The following KLF17 variants were observed in gnomAD, a reference collection of about 807,000 sequenced individuals.
The protein encoded by KLF17 is Krueppel-like factor 17.
In KLF17, 31 loss-of-function variants were observed where a neutral mutation model predicts 34.2. That is an observed-to-expected ratio of 0.91 (90% CI 0.68 to 1.22). The LOEUF is 1.22. Ranked by LOEUF, KLF17 falls within the 50% of genes most tolerant of loss-of-function variation. The pLI, the probability that KLF17 is intolerant of heterozygous loss-of-function variation, is 0.00. For missense variants in KLF17, 478 were observed against 505.2 expected, an observed-to-expected ratio of 0.95 and a Z score of 0.52; for synonymous variants, 179 against 186.7, an observed-to-expected ratio of 0.96 and a Z score of 0.34.
At chr1:44,097,642 C>T in the KLF17 span, among the ~76,000 whole-genome samples, 1 of 152,040 alleles carries the variant, frequency 6.6e-6, no homozygotes, top group Non-Finnish European at 1.5e-5. Flanking sequence ...TAGGTATATT[C>T]TAGTACTATG....
In KLF17 at chr1:44,129,726, G is replaced by A; in HGVS notation, c.455G>A (p.Arg152Lys). 1.2e-6 allele frequency: 2 copies of A among 1,614,116 alleles called. No homozygotes were observed. The highest frequency in any genetic ancestry group is 2.2e-5 in the South Asian group (2 of 91,076). ...GCCAGGCCCTTCGGTGGGAATCTAA[G>A]GATGCCCCCCAATGGGCTGCCAGTC... The part of the protein sequence containing the change: ...RVARPFGGNL[R>K]MPPNGLPVSA... The change falls in exon 2 of 4, where the codon AGG (arginine) becomes AAG (lysine). Residue 152 changes from arginine (R) to lysine (K), a missense_variant. Physicochemically the swap from Arg to Lys is conservative, Grantham distance 26. Coordinates refer to ENST00000372299, the MANE Select transcript of KLF17 (RefSeq NM_173484.4).
the KLF17 span, among the ~76,000 whole-genome samples, chr1:44,085,698 G>A: frequency 6.6e-6 from 1 of 151,522 alleles, no homozygotes; most frequent in African/African-American, 2.4e-5. Flanking sequence ...CAGCTATTCA[G>A]GAGGCTGAGG....
At chr1:44,100,959 A>G in the KLF17 span, among the ~76,000 whole-genome samples, 6 of 152,382 alleles carry the variant, frequency 3.9e-5, no homozygotes, top group East Asian at 1.2e-3. Context: ...TGCAAAGAAT[A>G]TAATTTCTGG....
the KLF17 span, among the ~76,000 whole-genome samples, chr1:44,075,755 G>A: frequency 6.6e-6 from 1 of 152,040 alleles, no homozygotes; most frequent in Non-Finnish European, 1.5e-5. Context: ...TGTATGGTGA[G>A]AACAAACAAC....
At chr1:44,115,793 A>G (rs2087874652), upstream of KLF17, 2 of 152,304 alleles carry the variant, frequency 1.3e-5, no homozygotes. Flanking sequence ...ATTGTAAAGA[A>G]AGGATCAAAA....
At chr1:44,072,957 A>C in the KLF17 span, among the ~76,000 whole-genome samples, 1 of 152,198 alleles carries the variant, frequency 6.6e-6, no homozygotes, top group African/African-American at 2.4e-5. Context: ...AGATCAAGTA[A>C]GCAGAGGTCT....
the KLF17 span, among the ~76,000 whole-genome samples, chr1:44,068,634 G>A: frequency 6.6e-6 from 1 of 152,198 alleles, no homozygotes; most frequent in Non-Finnish European, 1.5e-5. Context: ...GCCTCAGTCT[G>A]GACTGGAACA....
At chr1:44,103,726 C>T in the KLF17 span, 10 of 1,449,596 alleles carry the variant, frequency 6.9e-6, no homozygotes, top group South Asian at 2.3e-5. Flanking sequence ...GACAGCTTGG[C>T]GTTGGCACCC....
At chr1:44,097,057 T>C in the KLF17 span, among the ~76,000 whole-genome samples, 3,376 of 152,316 alleles carry the variant, frequency 0.022, 52 homozygotes, top group South Asian at 0.036. Flanking sequence ...GCTAGCCAGT[T>C]TTCTTAACAC....
the KLF17 span, among the ~76,000 whole-genome samples, chr1:44,063,369 A>G: frequency 1.2e-4 from 19 of 152,178 alleles, no homozygotes; most frequent in African/African-American, 4.6e-4. Context: ...TCTAAATTAT[A>G]CCCCAATAAA....
chr1:44,090,847 A>T, the KLF17 span, among the ~76,000 whole-genome samples: 4 of 151,994 alleles, frequency 2.6e-5, no homozygotes, highest in Admixed American at 6.6e-5. Flanking sequence ...AAAGAATCAA[A>T]AGAGGAAAAT....
chr1:44,070,976 G>T, the KLF17 span, among the ~76,000 whole-genome samples: 1 of 152,096 alleles, frequency 6.6e-6, no homozygotes, highest in Non-Finnish European at 1.5e-5. Context: ...GTAGGAGGAT[G>T]GGAACCATAA....
At chr1:44,091,335 T>C in the KLF17 span, among the ~76,000 whole-genome samples, 1 of 151,990 alleles carries the variant, frequency 6.6e-6, no homozygotes, top group Non-Finnish European at 1.5e-5. Context: ...TGATGCAATA[T>C]CACATGTCCT....
At chr1:44,100,112 ACAC>A in the KLF17 span, among the ~76,000 whole-genome samples, 1 of 141,566 alleles carries the variant, frequency 7.1e-6, no homozygotes, top group African/African-American at 2.6e-5. Context: ...ACACACACAC[ACAC>A]AAATTAGCTG....
At chr1:44,098,742 A>G in the KLF17 span, among the ~76,000 whole-genome samples, 8 of 151,712 alleles carry the variant, frequency 5.3e-5, no homozygotes, top group African/African-American at 2.4e-5. Context: ...AGTAGAGACC[A>G]GGTTTCACCA....
the KLF17 span, among the ~76,000 whole-genome samples, chr1:44,093,780 A>G: frequency 5.3e-5 from 8 of 152,304 alleles, 1 homozygote; most frequent in South Asian, 1.7e-3. Context: ...TGTGGCAGCT[A>G]TGTCTCCTAA....
At chr1:44,077,473 T>A in the KLF17 span, among the ~76,000 whole-genome samples, 2 of 152,234 alleles carry the variant, frequency 1.3e-5, no homozygotes, top group Admixed American at 6.5e-5. Flanking sequence ...TCGTGAATTC[T>A]ATGGTTCATT....
At chr1:44,080,022 G>A in the KLF17 span, among the ~76,000 whole-genome samples, 12 of 151,364 alleles carry the variant, frequency 7.9e-5, no homozygotes, top group Admixed American at 7.2e-4. Context: ...TCTGCCTCCT[G>A]GGTTCAAGCA....
chr1:44,074,679 A>T, the KLF17 span, among the ~76,000 whole-genome samples: 36 of 152,330 alleles, frequency 2.4e-4, 1 homozygote, highest in African/African-American at 8.7e-4. Flanking sequence ...GACATAATAA[A>T]TGACTTTCTG....
Sources: allele counts gnomAD v4.1 joint callset (sites outside exome capture counted in the v4.1 genomes callset), GRCh38; gene constraint gnomAD v4.1.1; transcripts MANE v1.5; gene names NCBI Gene and HGNC (gene_info 2026-07-23, HGNC 2026-07-21).